The following LRRC7 variants were observed in gnomAD, a reference collection of about 807,000 sequenced individuals.
LRRC7 encodes the protein leucine rich repeat containing 7, also known as leucine-rich repeat-containing protein 7.
A neutral mutation model predicts 175.7 loss-of-function variants in LRRC7; 23 were observed. The observed-to-expected ratio is 0.13, with a 90% CI of 0.09 to 0.19. LRRC7 has a LOEUF of 0.19. LRRC7 is among the 10% of genes least tolerant of loss of function. The pLI is 1.00. For missense variants in LRRC7, 1,354 were observed against 1,904.7 expected, an observed-to-expected ratio of 0.71 and a Z score of 5.38; for synonymous variants, 685 against 680.9, an observed-to-expected ratio of 1.01 and a Z score of -0.09.
intron 25 of LRRC7, among the ~76,000 whole-genome samples, chr1:70,090,292 A>G (rs981800340): frequency 2.6e-5 from 4 of 152,140 alleles, no homozygotes; most frequent in African/African-American, 7.2e-5. Context: ...GAATTTTGCT[A>G]ATAGAACTGT....
intron 22 of LRRC7, among the ~76,000 whole-genome samples, chr1:70,046,830 T>A (rs2102048877): frequency 6.6e-6 from 1 of 152,100 alleles, no homozygotes; most frequent in African/African-American, 2.4e-5. Context: ...ATTTGTTAGG[T>A]TTTTCTGCCA....
chr1:69,584,485 C>G (rs1646327649), intron 1 of LRRC7, among the ~76,000 whole-genome samples: 1 of 152,024 alleles, frequency 6.6e-6, no homozygotes, highest in Non-Finnish European at 1.5e-5. Flanking sequence ...TACTTTTTAG[C>G]TAGGTGACCT....
chr1:69,771,209 A>G (rs1272872498), intron 3 of LRRC7, among the ~76,000 whole-genome samples: 3 of 152,192 alleles, frequency 2.0e-5, no homozygotes, highest in African/African-American at 7.2e-5. Flanking sequence ...ATTTCTTTCA[A>G]TAAATAAATA....
chr1:69,790,965 A>G (rs1449101483), intron 3 of LRRC7, among the ~76,000 whole-genome samples: 2 of 152,028 alleles, frequency 1.3e-5, no homozygotes, highest in Non-Finnish European at 2.9e-5. Context: ...GAGTTAAGAC[A>G]TAACGACCAT....
At chr1:69,772,268 A>G (rs1170483754) in intron 3 of LRRC7, among the ~76,000 whole-genome samples, 1 of 152,204 alleles carries the variant, frequency 6.6e-6, no homozygotes, top group Admixed American at 6.5e-5. Flanking sequence ...GGGGTCAACC[A>G]TGCAAGATCA....
In LRRC7 at chr1:69,870,683, G is replaced by T. The variant is rs534418420; in HGVS notation, c.647+32400G>T. Among the ~76,000 whole-genome samples the T allele has an allele frequency of 2.6e-5, 4 of 152,100 alleles. 1 individual carries two copies. The highest frequency in any genetic ancestry group is 9.6e-5 in the African/African-American group (4 of 41,518). On this transcript the variant is annotated intron_variant, in intron 7 of 26. Transcript: ENST00000651989. ...TTTTTGTATAGTAAACGCTTATGGA[G>T]AAATAAAGACCCAAATTATAAGTTA...
intron 1 of LRRC7, among the ~76,000 whole-genome samples, chr1:69,659,165 C>T (rs957313406): frequency 3.3e-5 from 5 of 151,866 alleles, no homozygotes; most frequent in Non-Finnish European, 7.4e-5. Context: ...TTTCATTGGC[C>T]AAGCATACCT....
intron 25 of LRRC7, among the ~76,000 whole-genome samples, chr1:70,101,431 T>A (rs193096018): frequency 1.3e-5 from 2 of 152,330 alleles, no homozygotes; most frequent in Admixed American, 1.3e-4. Flanking sequence ...AGACAAGTTC[T>A]ATTTTGGTAT....
rs11286744 is a variant in LRRC7, at chr1:70,009,355, C to CTTT, written c.1005-2428_1005-2426dup. Among the ~76,000 whole-genome samples, 467 of 132,600 alleles carry CTTT rather than the reference C, an allele frequency of 3.5e-3. 4 individuals carry two copies. Among genetic ancestry groups the CTTT allele is most frequent in the African/African-American group, 0.012 (433 of 35,566 alleles). 87.0% of individuals were successfully genotyped at this position (132,600 alleles called of 152,430 possible). ...CTTTCTTTTTTTTCTTTCTTTCTTT[C>CTTT]TTTTTTTTTTTTTTTTGAGAAACAA... On this transcript the variant is annotated intron_variant, in intron 11 of 26. Transcript: ENST00000651989.
At chr1:69,742,904 T>G (rs1181958371) in intron 2 of LRRC7, among the ~76,000 whole-genome samples, 1 of 152,138 alleles carries the variant, frequency 6.6e-6, no homozygotes, top group South Asian at 2.1e-4. Context: ...ATAGATTTAC[T>G]AAGAATAACA....
At chr1:70,094,199 A>C (rs1408597853) in intron 25 of LRRC7, among the ~76,000 whole-genome samples, 1 of 152,126 alleles carries the variant, frequency 6.6e-6, no homozygotes, top group Non-Finnish European at 1.5e-5. Flanking sequence ...TCCTCAAAGG[A>C]CCTGACAGCA....
At chr1:70,027,131 G>C (rs1658203156) in intron 17 of LRRC7, among the ~76,000 whole-genome samples, 1 of 151,824 alleles carries the variant, frequency 6.6e-6, no homozygotes, top group African/African-American at 2.4e-5. Context: ...ACTTTCCACA[G>C]ATACATACCT....
intron 2 of LRRC7, among the ~76,000 whole-genome samples, chr1:69,751,708 AAAG>A (rs1185085648): frequency 3.3e-5 from 5 of 152,256 alleles, no homozygotes; most frequent in Non-Finnish European, 7.4e-5. Flanking sequence ...TCATTCATAG[AAAG>A]AAGCTCTTTG....
chr1:69,628,566 A>G lies in LRRC7; in HGVS notation c.3-49815A>G, dbSNP rs567856445. 5.9e-5 allele frequency among the ~76,000 whole-genome samples: 9 copies of G among 152,304 alleles called. No individual in the cohort carries two copies. The South Asian group carries it at 1.9e-3, about 32-fold the overall frequency. On this transcript the variant is annotated intron_variant, in intron 1 of 26. Coordinates refer to ENST00000651989, the MANE Select transcript of LRRC7 (RefSeq NM_001370785.2). ...CAGTTTTTCCCAGCCTGATCCATAG[A>G]TTCTGTGTAATCCCAATCAAAATAT...
At chr1:69,966,322 GT>G (rs1007883097) in intron 8 of LRRC7, among the ~76,000 whole-genome samples, 2 of 151,940 alleles carry the variant, frequency 1.3e-5, no homozygotes, top group Non-Finnish European at 2.9e-5. Context: ...GGAATAACAA[GT>G]TTTTTTAATT....
chr1:69,670,686 T>G (rs1400250853), intron 1 of LRRC7, among the ~76,000 whole-genome samples: 2 of 152,126 alleles, frequency 1.3e-5, no homozygotes, highest in Non-Finnish European at 2.9e-5. Context: ...TACCTAGTAT[T>G]TTAATTTACT....
intron 7 of LRRC7, among the ~76,000 whole-genome samples, chr1:69,920,664 T>C (rs903484572): frequency 6.6e-6 from 1 of 152,288 alleles, no homozygotes; most frequent in Middle Eastern, 3.4e-3. Context: ...ACGGAATTCA[T>C]AGAATCCCAG....
intron 23 of LRRC7, among the ~76,000 whole-genome samples, chr1:70,075,344 G>T (rs761150111): frequency 6.6e-6 from 1 of 152,100 alleles, no homozygotes; most frequent in Non-Finnish European, 1.5e-5. Context: ...AGAAGTACGG[G>T]TATGATCGTA....
At chr1:69,602,306 A>T (rs1029286640) in intron 1 of LRRC7, among the ~76,000 whole-genome samples, 1 of 152,142 alleles carries the variant, frequency 6.6e-6, no homozygotes, top group African/African-American at 2.4e-5. Flanking sequence ...TAACATTCCT[A>T]AACAGCAGTG....
Sources: gnomAD v4.1 joint callset for allele counts (sites outside exome capture counted in the v4.1 genomes callset) on GRCh38, gnomAD v4.1.1 for gene constraint, MANE v1.5 for transcripts, NCBI Gene and HGNC (gene_info 2026-07-23, HGNC 2026-07-21) for gene names.